The following EEFSEC variants were observed in gnomAD, a reference collection of about 807,000 sequenced individuals.
The protein encoded by EEFSEC is selenocysteine-specific elongation factor.
Under a neutral mutation model 42.1 loss-of-function variants are expected in EEFSEC, and 43 were observed. The ratio of observed to expected loss-of-function variants is 1.02; its 90% CI spans 0.80 to 1.32. EEFSEC has a LOEUF of 1.32. Among genes scored for constraint, EEFSEC ranks in the 40% most tolerant of loss-of-function variants. The pLI is 0.00. For missense variants in EEFSEC, 745 were observed against 803.6 expected (o/e 0.93, Z 0.88); for synonymous variants, 354 against 339.1 (o/e 1.04, Z -0.48).
At chr3:128,264,460 T>C (rs2066331037) in intron 3 of EEFSEC, among the ~76,000 whole-genome samples, 157 bp from the exon 4 acceptor site, 1 of 152,188 alleles carries the variant, frequency 6.6e-6, no homozygotes. Context: ...TAGGTGGTTT[T>C]GATCTCCTGT....
chr3:128,370,810 G>A (rs773439788), intron 6 of EEFSEC, among the ~76,000 whole-genome samples: 14 of 152,328 alleles, frequency 9.2e-5, no homozygotes, highest in Middle Eastern at 6.8e-3. Flanking sequence ...ACAGGGCTTT[G>A]GAGAAAGAGC....
chr3:128,298,149 A>G (rs912626598), intron 4 of EEFSEC, among the ~76,000 whole-genome samples: 25 of 152,336 alleles, frequency 1.6e-4, no homozygotes, highest in African/African-American at 5.1e-4. Context: ...GTGCCAGTCT[A>G]TGACACCACT....
At chr3:128,412,392 A>C (rs1418148507), downstream of EEFSEC, among the ~76,000 whole-genome samples, 1 of 152,244 alleles carries the variant, frequency 6.6e-6, no homozygotes, top group Non-Finnish European at 1.5e-5. Context: ...TCCCTTCCAG[A>C]GACCAAGGCC....
At chr3:128,305,815 C>T (rs1407929139) in intron 4 of EEFSEC, among the ~76,000 whole-genome samples, 1 of 151,810 alleles carries the variant, frequency 6.6e-6, no homozygotes, top group African/African-American at 2.4e-5. Flanking sequence ...CTATGTATTT[C>T]TTTCATTGGG....
intron 4 of EEFSEC, among the ~76,000 whole-genome samples, chr3:128,298,296 C>T (rs776441175): frequency 3.9e-5 from 6 of 152,136 alleles, no homozygotes; most frequent in Admixed American, 2.0e-4. Flanking sequence ...CACAGGCATG[C>T]ACCACCATGC....
In EEFSEC at chr3:128,312,650, G is replaced by C. The variant is rs1408270904; in HGVS notation, c.787-28583G>C. Among the ~76,000 whole-genome samples the C allele has an allele frequency of 3.3e-5, 5 of 152,204 alleles. No individual in the cohort carries two copies. In the East Asian group the frequency reaches 9.6e-4, roughly 29 times the overall value. ...GGGTGGGCCACCATCCTTGTGGCAG[G>C]CCCTGTGTCCTGACCTGCTTGTCAA... On this transcript the variant is annotated intron_variant, in intron 4 of 6. Coordinates refer to ENST00000254730, the MANE Select transcript of EEFSEC (RefSeq NM_021937.5).
intron 6 of EEFSEC, among the ~76,000 whole-genome samples, chr3:128,385,927 T>C (rs1349791655): frequency 6.6e-6 from 1 of 152,248 alleles, no homozygotes; most frequent in Non-Finnish European, 1.5e-5. Context: ...CCAAGTGGGC[T>C]GCTCACATCC....
At chr3:128,275,897 C>T (rs1402991458) in intron 4 of EEFSEC, among the ~76,000 whole-genome samples, 2 of 152,160 alleles carry the variant, frequency 1.3e-5, no homozygotes, top group Admixed American at 1.3e-4. Context: ...CAGCTGGAGT[C>T]GGGTCCTGTA....
chr3:128,198,006 T>C (rs1216982948), intron 1 of EEFSEC, among the ~76,000 whole-genome samples: 1 of 152,064 alleles, frequency 6.6e-6, no homozygotes, highest in African/African-American at 2.4e-5. Flanking sequence ...CTTTACCCCA[T>C]CCCCCTTCCC....
In EEFSEC at chr3:128,277,401, A is replaced by G. The variant is rs368007622; in HGVS notation, c.786+12620A>G. Reference sequence around the variant, plus strand: ...CTTTGAAGTTTTGCTAAAATGCTTCATTATAACATGTTCTTGTTTATAAAT... The same window carrying G: ...CTTTGAAGTTTTGCTAAAATGCTTCGTTATAACATGTTCTTGTTTATAAAT... On this transcript the variant is annotated intron_variant, in intron 4 of 6. Transcript: ENST00000254730. 5.3e-5 allele frequency among the ~76,000 whole-genome samples: 8 copies of G among 152,376 alleles called. No homozygotes were observed. In the East Asian group the frequency reaches 1.2e-3, roughly 22 times the overall value.
intron 6 of EEFSEC, among the ~76,000 whole-genome samples, chr3:128,379,380 A>G (rs1236273248): frequency 6.6e-6 from 1 of 152,252 alleles, no homozygotes; most frequent in Admixed American, 6.5e-5. Context: ...GTTTATACCC[A>G]GCGTTTGAAA....
chr3:128,242,058 T>C (rs975533834), intron 1 of EEFSEC, among the ~76,000 whole-genome samples: 2 of 152,196 alleles, frequency 1.3e-5, no homozygotes, highest in African/African-American at 4.8e-5. Flanking sequence ...CTCACGCCCG[T>C]AATCCTAGTA....
At chr3:128,299,907 A>G (rs2066748564) in intron 4 of EEFSEC, among the ~76,000 whole-genome samples, 1 of 152,222 alleles carries the variant, frequency 6.6e-6, no homozygotes, top group Admixed American at 6.5e-5. Context: ...GGTGTGATCC[A>G]AGTCCTGGGG....
intron 1 of EEFSEC, among the ~76,000 whole-genome samples, chr3:128,244,677 G>T (rs2066108479): frequency 6.6e-6 from 1 of 152,162 alleles, no homozygotes; most frequent in African/African-American, 2.4e-5. Context: ...TGGTCTCCCA[G>T]CAGACAACCA....
chr3:128,202,137 G>A (rs981261665), intron 1 of EEFSEC, among the ~76,000 whole-genome samples: 2 of 152,116 alleles, frequency 1.3e-5, no homozygotes, highest in African/African-American at 4.8e-5. Flanking sequence ...CTCCAACTTT[G>A]TTCTTTTCCA....
intron 1 of EEFSEC, among the ~76,000 whole-genome samples, chr3:128,217,076 A>G (rs1330169901): frequency 6.6e-6 from 1 of 152,240 alleles, no homozygotes; most frequent in Non-Finnish European, 1.5e-5. Context: ...GGAAAATAAC[A>G]TAGAAAGAAG....
intron 1 of EEFSEC, among the ~76,000 whole-genome samples, chr3:128,190,233 GGA>G: frequency 6.6e-6 from 1 of 152,360 alleles, no homozygotes. Context: ...GATGTATCCA[GGA>G]GAAGGCATTG....
intron 5 of EEFSEC, among the ~76,000 whole-genome samples, chr3:128,357,074 T>C (rs1445678279): frequency 1.3e-5 from 2 of 152,200 alleles, no homozygotes; most frequent in African/African-American, 4.8e-5. Context: ...CTCATTTCCA[T>C]AACAGCTGCC....
chr3:128,252,746 T>A (rs1214471361), intron 2 of EEFSEC, among the ~76,000 whole-genome samples: 2 of 152,174 alleles, frequency 1.3e-5, no homozygotes, highest in African/African-American at 4.8e-5. Context: ...TATCTGAAAC[T>A]TTTTTTGTGT....
Sources: gnomAD v4.1 joint callset for allele counts (sites outside exome capture counted in the v4.1 genomes callset) on GRCh38, gnomAD v4.1.1 for gene constraint, MANE v1.5 for transcripts, NCBI Gene and HGNC (gene_info 2026-07-23, HGNC 2026-07-21) for gene names.